The following CHD3 variants were observed in gnomAD, a reference collection of about 807,000 sequenced individuals.
CHD3 encodes ATP-dependent chromatin remodeler CHD3.
A neutral mutation model predicts 248.9 loss-of-function variants in CHD3; 52 were observed. The observed-to-expected ratio is 0.21, with a 90% CI of 0.17 to 0.26. The LOEUF is 0.26. Ranked by LOEUF, CHD3 falls within the 10% of genes least tolerant of loss-of-function variation. The probability of loss-of-function intolerance (pLI) is 1.00; values close to 1 mark genes in which losing one functional copy is unlikely to be tolerated. For synonymous variants in CHD3, 985 were observed against 985.2 expected (o/e 1.00, Z 0.00); for missense variants, 1,482 against 2,605.8 (o/e 0.57, Z 9.39).
At position 7,903,183 on chromosome 17, in the gene CHD3, C is replaced by T; in HGVS notation, c.3496-89C>T. On this transcript the variant is annotated intron_variant, in intron 22 of 39. Coordinates refer to ENST00000330494, the MANE Select transcript of CHD3 (RefSeq NM_001005273.3). The surrounding 1 kb of genome is among the most constrained non-coding windows in gnomAD (Gnocchi z 6.8). Reference sequence around the variant, plus strand: ...TCTGGGAGGAGAGAAGGCCCTTCTTCAGCAGCCTTCTTTCCTGAGGCAGCT... The same window carrying T: ...TCTGGGAGGAGAGAAGGCCCTTCTTTAGCAGCCTTCTTTCCTGAGGCAGCT... The T allele has an allele frequency of 6.4e-7, 1 of 1,563,390 alleles. No individual in the cohort carries two copies. The highest frequency in any genetic ancestry group is 1.7e-5 in the Admixed American group (1 of 59,004).
Position 7,903,358 on chromosome 17 carries a change from C to T in CHD3, c.3582C>T (p.Ile1194=). The stretch of plus-strand genomic sequence containing the variant: ...CTCGCGCGTCAGTGGAAGAGCGAAT[C>T]ACACAAGTGGCCAAGAGAAAGATGA... ...FVTRASVEER[I]TQVAKRKMML... Residue 1194 remains isoleucine (I), a synonymous_variant, in exon 23 of 40, where the codon ATC becomes ATT. Coordinates refer to ENST00000330494, the MANE Select transcript of CHD3 (RefSeq NM_001005273.3). This position sits in a 1 kb window ranked among gnomAD's most constrained non-coding sequence, Gnocchi z 6.8. 6.2e-7 allele frequency: 1 copy of T among 1,614,196 alleles called. No individual in the cohort carries two copies. Among genetic ancestry groups the T allele is most frequent in the Non-Finnish European group, 8.5e-7 (1 of 1,180,034 alleles).
In CHD3 at chr17:7,907,611, G is replaced by A. The variant is rs372129891; in HGVS notation, c.4935G>A (p.Ser1645=). ...TACCCCCTCCCACAGCCACAGAGTCGACGCCAGGAGAAAGGGGGGAGGAGA... is the reference window on the plus strand; with the variant it reads ...TACCCCCTCCCACAGCCACAGAGTCAACGCCAGGAGAAAGGGGGGAGGAGA... ...RGDREKSATE[S]TPGERGEEKP... The change falls in exon 33 of 40, where the codon TCG becomes TCA. Residue 1645 remains serine, a synonymous_variant. Transcript: ENST00000330494. This position sits in a 1 kb window ranked among gnomAD's most constrained non-coding sequence, Gnocchi z 4.3. The A allele has an allele frequency of 1.4e-5, 21 of 1,513,180 alleles. No individual in the cohort carries two copies. Among genetic ancestry groups the A allele is most frequent in the Admixed American group, 7.7e-5 (3 of 38,774 alleles). The allele number at this position is 1,513,180 out of a possible 1,614,324, so 93.7% of individuals were successfully genotyped here. A position where few individuals can be genotyped will look rare whatever the true frequency, so the allele number is the denominator to read the frequency against.
chr17:7,897,427 C>A lies in CHD3; in HGVS notation c.1919+133C>A, dbSNP rs758805608. ...TTGATAACCTCTGCTGTAGCTCCAG[C>A]CTTTCTGGCCTTGTTTCCTCCAGGG... On this transcript the variant is annotated intron_variant, in intron 11 of 39. Coordinates refer to ENST00000330494, the MANE Select transcript of CHD3 (RefSeq NM_001005273.3). This position sits in a 1 kb window ranked among gnomAD's most constrained non-coding sequence, Gnocchi z 4.8. The A allele has an allele frequency of 2.9e-5, 23 of 789,630 alleles. No individual in the cohort carries two copies. The highest frequency in any genetic ancestry group is 7.7e-5 in the Admixed American group (3 of 38,784). 48.9% of individuals were successfully genotyped at this position (789,630 alleles called of 1,614,324 possible).
chr17:7,895,731 C>T lies in CHD3; in HGVS notation c.1707+189C>T, dbSNP rs1969548693. ...GGTCTACAGTCCTCTTTCTCTCAGT[C>T]TCCGTTAGCTTCCTTCCCTCAGATA... On this transcript the variant is annotated intron_variant, in intron 10 of 39. Transcript: ENST00000330494. This position sits in a 1 kb window ranked among gnomAD's most constrained non-coding sequence, Gnocchi z 4.9. 6.6e-6 allele frequency among the ~76,000 whole-genome samples: 1 copy of T among 152,188 alleles called. No individual in the cohort carries two copies.
In CHD3 at chr17:7,908,911, G is replaced by C. The variant is rs371560913; in HGVS notation, c.5394+82G>C. 8 of 1,577,530 alleles carry C rather than the reference G, an allele frequency of 5.1e-6. No individual in the cohort carries two copies. In the Admixed American group the frequency reaches 1.2e-4, roughly 23 times the overall value. On this transcript the variant is annotated intron_variant, in intron 36 of 39. Coordinates refer to ENST00000330494, the MANE Select transcript of CHD3 (RefSeq NM_001005273.3). This position sits in a 1 kb window ranked among gnomAD's most constrained non-coding sequence, Gnocchi z 5.8. The stretch of plus-strand genomic sequence containing the variant: ...CCAGATCTAGTTGGAACCTAGGGAA[G>C]GTTAACACCTTCAGGGCTGAGGTGA...
At position 7,908,566 on chromosome 17, in the gene CHD3, A is replaced by G. The variant is rs1971274134; in HGVS notation, c.5261+56A>G. The stretch of plus-strand genomic sequence containing the variant: ...AGGTTCTCTCAAGCTGGCAAAAAAA[A>G]AAAAGATGATTTCACACCCAGGGAC... On this transcript the variant is annotated intron_variant, in intron 35 of 39. Transcript: ENST00000330494. The surrounding 1 kb of genome is among the most constrained non-coding windows in gnomAD (Gnocchi z 5.8). 2 of 1,594,982 alleles carry G rather than the reference A, an allele frequency of 1.3e-6. No homozygotes were observed. The highest frequency in any genetic ancestry group is 1.7e-6 in the Non-Finnish European group (2 of 1,165,810).
At position 7,900,036 on chromosome 17, in the gene CHD3, G is replaced by A. The variant is rs1970125080; in HGVS notation, c.2682+3G>A. The stretch of plus-strand genomic sequence containing the variant: ...GACTCAAGAACAACCAGTCCAAGGT[G>A]AGTGAGGTTTCCAGACCTAAAAAAC... On this transcript the variant is annotated splice_donor_region_variant and intron_variant, in intron 16 of 39. Coordinates refer to ENST00000330494, the MANE Select transcript of CHD3 (RefSeq NM_001005273.3). This position sits in a 1 kb window ranked among gnomAD's most constrained non-coding sequence, Gnocchi z 6.5. 1 of 1,602,170 alleles carries A rather than the reference G, an allele frequency of 6.2e-7. No individual in the cohort carries two copies. The highest frequency in any genetic ancestry group is 8.5e-7 in the Non-Finnish European group (1 of 1,171,976).
At chr17:7,901,699 CG>C (rs1970340149) in intron 20 of CHD3, among the ~76,000 whole-genome samples, 2 of 151,838 alleles carry the variant, frequency 1.3e-5, no homozygotes, top group African/African-American at 2.4e-5. Context: ...TTAGTAGAGA[CG>C]GGATTTCACC....
chr17:7,888,697 T>G, upstream of CHD3: 58 of 548,220 alleles, frequency 1.1e-4, no homozygotes, highest in East Asian at 1.9e-4. Context: ...ATCCTCTGGA[T>G]TTGTGGGCCT....
rs780823319 is a variant in CHD3 at position 7,910,472 on chromosome 17, G to A, written c.5635G>A (p.Val1879Met). The A allele has an allele frequency of 3.7e-6, 6 of 1,614,012 alleles. No homozygotes were observed. Among genetic ancestry groups the A allele is most frequent in the Non-Finnish European group, 4.2e-6 (5 of 1,180,020 alleles). ...GTTGCTGAGCGACATGAAGGCGGAC[G>A]TGACCCGCCTGCCAGCCACGCTGTC... The part of the protein sequence containing the change: ...EELLSDMKAD[V>M]TRLPATLSRI... The change falls in exon 38 of 40, where the codon GTG becomes ATG. Residue 1879 changes from valine to methionine, a missense_variant. Around this residue, in one of 20 missense-constraint regions of CHD3, gnomAD observed 83 missense variants for 181.0 expected, o/e 0.46. Transcript: ENST00000330494. The surrounding 1 kb of genome is among the most constrained non-coding windows in gnomAD (Gnocchi z 4.7).
upstream of CHD3, among the ~76,000 whole-genome samples, chr17:7,888,564 C>T (rs932379786): frequency 6.6e-6 from 1 of 152,156 alleles, no homozygotes; most frequent in African/African-American, 2.4e-5. Context: ...CTCTCCGTTC[C>T]GTTCCCCAAG....
upstream of CHD3, chr17:7,888,694 G>A: frequency 3.5e-6 from 2 of 574,220 alleles, no homozygotes; most frequent in Non-Finnish European, 5.0e-6. Flanking sequence ...GCCATCCTCT[G>A]GATTTGTGGG....
In CHD3 at chr17:7,903,707, C is replaced by A; in HGVS notation, c.3728-118C>A. On this transcript the variant is annotated intron_variant, in intron 23 of 39. Transcript: ENST00000330494. The surrounding 1 kb of genome is among the most constrained non-coding windows in gnomAD (Gnocchi z 6.8). Reference sequence around the variant, plus strand: ...CAAAACAAAAACCTTTCAACATTGGCTCCCGGGGAAAAAGCCTTCTCTAGG... The same window carrying A: ...CAAAACAAAAACCTTTCAACATTGGATCCCGGGGAAAAAGCCTTCTCTAGG... 1 of 1,198,080 alleles carries A rather than the reference C, an allele frequency of 8.3e-7. No individual in the cohort carries two copies. The highest frequency in any genetic ancestry group is 1.2e-6 in the Non-Finnish European group (1 of 859,648). The allele number at this position is 1,198,080 out of a possible 1,614,324, so 74.2% of individuals were successfully genotyped here.
upstream of CHD3, chr17:7,885,049 ACCGCTGCCCCCG>A: frequency 2.0e-6 from 2 of 1,019,404 alleles, no homozygotes; most frequent in Non-Finnish European, 2.3e-6. Flanking sequence ...CGCCGCCGCC[ACCGCTGCCCCCG>A]CCGCCGCCGC....
Position 7,906,549 on chromosome 17 carries a change from T to A in CHD3, c.4359-4T>A. ...AACCCTCCTCCCACTCCCATGCTCC[T>A]TAGGGCCTATGTGTCTTTGTTCATG... On this transcript the variant is annotated splice_region_variant and splice_polypyrimidine_tract_variant and intron_variant, in intron 28 of 39. Transcript: ENST00000330494. This position sits in a 1 kb window ranked among gnomAD's most constrained non-coding sequence, Gnocchi z 5.0. 6.2e-7 allele frequency: 1 copy of A among 1,613,828 alleles called. No homozygotes were observed. Among genetic ancestry groups the A allele is most frequent in the Non-Finnish European group, 8.5e-7 (1 of 1,179,920 alleles).
chr17:7,900,153 A>G lies in CHD3; in HGVS notation c.2682+120A>G. On this transcript the variant is annotated intron_variant, in intron 16 of 39. Coordinates refer to ENST00000330494, the MANE Select transcript of CHD3 (RefSeq NM_001005273.3). This position sits in a 1 kb window ranked among gnomAD's most constrained non-coding sequence, Gnocchi z 6.5. Reference sequence around the variant, plus strand: ...AGTCTGGGAGGACGTCCAGGTTGGAAGAGGGAGAGGGCCAGAGATTTGGGG... The same window carrying G: ...AGTCTGGGAGGACGTCCAGGTTGGAGGAGGGAGAGGGCCAGAGATTTGGGG... The G allele has an allele frequency of 6.6e-7, 1 of 1,526,200 alleles. No individual in the cohort carries two copies. The highest frequency in any genetic ancestry group is 8.9e-7 in the Non-Finnish European group (1 of 1,126,724). 94.5% of individuals were successfully genotyped at this position (1,526,200 alleles called of 1,614,324 possible).
Position 7,908,674 on chromosome 17 carries a change from G to C in CHD3, c.5262-23G>C. The C allele has an allele frequency of 6.2e-7, 1 of 1,613,622 alleles. No homozygotes were observed. Among genetic ancestry groups the C allele is most frequent in the Non-Finnish European group, 8.5e-7 (1 of 1,179,606 alleles). On this transcript the variant is annotated intron_variant, in intron 35 of 39. Transcript: ENST00000330494. This position sits in a 1 kb window ranked among gnomAD's most constrained non-coding sequence, Gnocchi z 5.8. ...GCCCATTCCTGTTAAATTCCTTGAT[G>C]GTTCCTTTTCCTTCATTGGTAGCCA...
In CHD3 at chr17:7,899,826, T is replaced by G. The variant is rs1597966231; in HGVS notation, c.2545-70T>G. ...GTTGGGAGCCACAGTCAGGACAAGG[T>G]GTCTGGTTCTGGAGGTGTAGGTGCA... is the stretch of plus-strand genomic sequence containing the variant. On this transcript the variant is annotated intron_variant, in intron 15 of 39. Transcript: ENST00000330494. This position sits in a 1 kb window ranked among gnomAD's most constrained non-coding sequence, Gnocchi z 6.8. 1 of 1,564,198 alleles carries G rather than the reference T, an allele frequency of 6.4e-7. No individual in the cohort carries two copies. Among genetic ancestry groups the G allele is most frequent in the Non-Finnish European group, 8.7e-7 (1 of 1,145,546 alleles).
rs34941534 is a variant in CHD3 at position 7,898,529 on chromosome 17, C to A, written c.2085C>A (p.Pro695=). ...TTATGGGGGAAGACCCTGCCCAGCC[C>A]CGCAAGTATAAGAAGAAGAAGAAGG... is the stretch of plus-strand genomic sequence containing the variant. ...ELIMGEDPAQ[P]RKYKKKKKEL... Residue 695 remains proline (P), a synonymous_variant, in exon 13 of 40, where the codon CCC becomes CCA. Coordinates refer to ENST00000330494, the MANE Select transcript of CHD3 (RefSeq NM_001005273.3). 1.4e-3 allele frequency: 2,187 copies of A among 1,614,050 alleles called. 4 individuals are homozygous for A. The highest frequency in any genetic ancestry group is 1.7e-3 in the Non-Finnish European group (2,035 of 1,179,964).
Sources: allele counts gnomAD v4.1 joint callset (sites outside exome capture counted in the v4.1 genomes callset), GRCh38; gene constraint gnomAD v4.1.1; regional missense constraint gnomAD v4.1.1; non-coding constraint Gnocchi (gnomAD v3.1); transcripts MANE v1.5; gene names NCBI Gene and HGNC (gene_info 2026-07-23, HGNC 2026-07-21).